The following ZNF536 variants were observed in gnomAD, a reference collection of about 807,000 sequenced individuals.
ZNF536 encodes zinc finger protein 536.
Under a neutral mutation model 84.5 loss-of-function variants are expected in ZNF536, and 13 were observed. The observed-to-expected ratio is 0.15, with a 90% CI of 0.10 to 0.24. ZNF536 has a LOEUF of 0.24. Among genes scored for constraint, ZNF536 ranks in the 10% least tolerant of loss-of-function variants. The pLI is 1.00. For synonymous variants in ZNF536, 811 were observed against 742.5 expected (o/e 1.09, Z -1.50); for missense variants, 1,536 against 1,747.5 (o/e 0.88, Z 2.16).
chr19:30,606,619 A>G (rs1279725147), intron 1 of ZNF536, among the ~76,000 whole-genome samples: 1 of 152,208 alleles, frequency 6.6e-6, no homozygotes, highest in Non-Finnish European at 1.5e-5. Flanking sequence ...AGGTGACCAC[A>G]GTTCCATCAT....
At chr19:30,602,049 G>A (rs970095612) in intron 1 of ZNF536, among the ~76,000 whole-genome samples, 9 of 152,228 alleles carry the variant, frequency 5.9e-5, no homozygotes, top group Non-Finnish European at 1.3e-4. Context: ...TGTGCACACT[G>A]CAAACTTCTG....
chr19:30,431,973 A>G (rs1364965513), intron 1 of ZNF536, among the ~76,000 whole-genome samples: 1 of 151,534 alleles, frequency 6.6e-6, no homozygotes. Context: ...TATGTTAAAG[A>G]TATACCATTC....
intron 1 of ZNF536, among the ~76,000 whole-genome samples, chr19:30,576,494 T>A (rs2046741228): frequency 6.6e-6 from 1 of 152,224 alleles, no homozygotes; most frequent in Admixed American, 6.5e-5. Flanking sequence ...GTCTTCTTTA[T>A]TGACTTCTTT....
chr19:30,640,629 G>A (rs141219068), intron 1 of ZNF536, among the ~76,000 whole-genome samples: 63 of 152,292 alleles, frequency 4.1e-4, no homozygotes, highest in African/African-American at 1.5e-3. Context: ...TGCAAGGCAG[G>A]GAGGTTTGCT....
chr19:30,483,068 C>T (rs935966929), intron 2 of ZNF536, among the ~76,000 whole-genome samples: 1 of 152,210 alleles, frequency 6.6e-6, no homozygotes, highest in African/African-American at 2.4e-5. Flanking sequence ...CTCCCATCCT[C>T]CAGGCTCCAG....
chr19:30,362,104 C>T (rs1203786442), intron 3 of ZNF536, among the ~76,000 whole-genome samples: 2 of 152,188 alleles, frequency 1.3e-5, no homozygotes, highest in East Asian at 3.9e-4. Flanking sequence ...GAAGAGAGAT[C>T]TGGGTTGGAT....
At chr19:30,686,586 G>A (rs901555813) in intron 1 of ZNF536, among the ~76,000 whole-genome samples, 3 of 152,188 alleles carry the variant, frequency 2.0e-5, no homozygotes, top group South Asian at 2.1e-4. Context: ...CCTGCTCTTC[G>A]TCCTCCCTCT....
intron 1 of ZNF536, among the ~76,000 whole-genome samples, chr19:30,623,851 G>T (rs527751799): frequency 6.6e-6 from 1 of 152,332 alleles, no homozygotes; most frequent in African/African-American, 2.4e-5. Context: ...ACTCTGAATA[G>T]TGTCTGGTAC....
chr19:30,491,819 C>G (rs1480443215), intron 2 of ZNF536, among the ~76,000 whole-genome samples: 1 of 151,118 alleles, frequency 6.6e-6, no homozygotes, highest in African/African-American at 2.4e-5. Context: ...TCAATGATTT[C>G]TTTTCCTTTC....
At chr19:30,321,013 A>G (rs1035761031) in intron 2 of ZNF536, among the ~76,000 whole-genome samples, 6 of 152,186 alleles carry the variant, frequency 3.9e-5, no homozygotes, top group Non-Finnish European at 8.8e-5. Context: ...TTCCAGTGAC[A>G]CAGAAAAATG....
At chr19:30,529,282 C>T (rs2044711913) in intron 2 of ZNF536, among the ~76,000 whole-genome samples, 1 of 152,152 alleles carries the variant, frequency 6.6e-6, no homozygotes, top group South Asian at 2.1e-4. Context: ...TGTTGAGGCA[C>T]CCATCCATTC....
At chr19:30,605,784 A>G (rs1342734957) in intron 1 of ZNF536, among the ~76,000 whole-genome samples, 2 of 152,142 alleles carry the variant, frequency 1.3e-5, no homozygotes, top group Non-Finnish European at 2.9e-5. Flanking sequence ...ACATCACTGT[A>G]TCTTGCAGAC....
intron 1 of ZNF536, among the ~76,000 whole-genome samples, chr19:30,669,432 C>T (rs1372946257): frequency 1.3e-5 from 2 of 152,212 alleles, no homozygotes; most frequent in African/African-American, 4.8e-5. Flanking sequence ...GGTCAGCTTC[C>T]CCGGGGACTC....
intron 2 of ZNF536, among the ~76,000 whole-genome samples, chr19:30,291,316 C>A (rs1449864593): frequency 6.6e-6 from 1 of 152,152 alleles, no homozygotes; most frequent in Non-Finnish European, 1.5e-5. Context: ...CATGTAAAAG[C>A]ATTCCTATTT....
chr19:30,560,338 T>G (rs1304675148), downstream of ZNF536, among the ~76,000 whole-genome samples: 1 of 148,702 alleles, frequency 6.7e-6, no homozygotes. Context: ...CCATAAACCA[T>G]CATCCATCCC....
chr19:30,622,777 G>A (rs1198105221), intron 1 of ZNF536, among the ~76,000 whole-genome samples: 2 of 152,058 alleles, frequency 1.3e-5, no homozygotes, highest in Non-Finnish European at 2.9e-5. Context: ...CTTTGGGGAG[G>A]AAAAGCAGGC....
intron 1 of ZNF536, among the ~76,000 whole-genome samples, chr19:30,569,775 T>G (rs2046479702): frequency 2.6e-5 from 4 of 151,912 alleles, no homozygotes; most frequent in Admixed American, 2.6e-4. Context: ...TTTCACCATG[T>G]TGGCCAGGCT....
intron 1 of ZNF536, among the ~76,000 whole-genome samples, chr19:30,233,836 G>A (rs2023265076): frequency 6.6e-6 from 1 of 152,170 alleles, no homozygotes; most frequent in Non-Finnish European, 1.5e-5. Flanking sequence ...CTCATCTACT[G>A]CTGCAAAGCA....
At chr19:30,630,400 CGT>C (rs3028497) in intron 1 of ZNF536, among the ~76,000 whole-genome samples, 64,736 of 149,812 alleles carry the variant, frequency 0.43, 14,380 homozygotes, top group Admixed American at 0.51. Context: ...GGAAGTATCC[CGT>C]GTGTGTGTGT....
Sources: allele counts gnomAD v4.1 joint callset (sites outside exome capture counted in the v4.1 genomes callset), GRCh38; gene constraint gnomAD v4.1.1; transcripts MANE v1.5; gene names NCBI Gene and HGNC (gene_info 2026-07-23, HGNC 2026-07-21).